The following TAOK3 variants were observed in gnomAD, a reference collection of about 807,000 sequenced individuals.
The protein encoded by TAOK3 is serine/threonine-protein kinase TAO3.
In TAOK3, 40 loss-of-function variants were observed where a neutral mutation model predicts 120.4. The ratio of observed to expected loss-of-function variants is 0.33; its 90% CI spans 0.26 to 0.43. The LOEUF (loss-of-function observed/expected upper bound fraction) is 0.43, where lower values mean the gene tolerates loss of function less well. Among genes scored for constraint, TAOK3 ranks in the 20% least tolerant of loss-of-function variants. TAOK3 has a pLI of 1.00. For missense variants in TAOK3, 821 were observed against 1,112.1 expected (o/e 0.74, Z 3.72); for synonymous variants, 355 against 387.5 (o/e 0.92, Z 0.99).
chr12:118,281,149 A>C (rs934954108), intron 1 of TAOK3, among the ~76,000 whole-genome samples: 2 of 152,216 alleles, frequency 1.3e-5, no homozygotes, highest in African/African-American at 4.8e-5. Context: ...AAACAGGGAT[A>C]GTTTGACTTT....
At chr12:118,194,420 G>A (rs965969884) in intron 13 of TAOK3, among the ~76,000 whole-genome samples, 3 of 152,086 alleles carry the variant, frequency 2.0e-5, no homozygotes, top group Non-Finnish European at 4.4e-5. Context: ...GGAGAAAGAC[G>A]TTACTACAGA....
intron 1 of TAOK3, among the ~76,000 whole-genome samples, chr12:118,333,889 A>C (rs1228594783): frequency 6.6e-6 from 1 of 151,764 alleles, no homozygotes; most frequent in Non-Finnish European, 1.5e-5. Context: ...TAATCCCAGC[A>C]CTTTGGGAGG....
intron 1 of TAOK3, among the ~76,000 whole-genome samples, chr12:118,303,909 A>G (rs411828): frequency 0.31 from 47,531 of 152,052 alleles, 7,509 homozygotes; most frequent in Middle Eastern, 0.42. Flanking sequence ...TGGCCTCCCA[A>G]AGTGTTGGGA....
At chr12:118,322,718 C>CTTTTTTTTTTTTTTTTTTTTTT (rs199608892) in intron 1 of TAOK3, among the ~76,000 whole-genome samples, 1 of 93,812 alleles carries the variant, frequency 1.1e-5, no homozygotes, top group Non-Finnish European at 1.9e-5. Context: ...ATTTAAAAAC[C>CTTTTTTTTTTTTTTTTTTTTTT]TTTTTTTTTT....
At chr12:118,167,698 A>G (rs1336623964) in intron 17 of TAOK3, among the ~76,000 whole-genome samples, 1 of 149,758 alleles carries the variant, frequency 6.7e-6, no homozygotes, top group Non-Finnish European at 1.5e-5. Flanking sequence ...TTTTTGCAAA[A>G]TGACTCCCCC....
chr12:118,341,209 T>G (rs2044605040), intron 1 of TAOK3, among the ~76,000 whole-genome samples: 1 of 151,994 alleles, frequency 6.6e-6, no homozygotes, highest in African/African-American at 2.4e-5. Flanking sequence ...CCATGTTGGC[T>G]AGACTGGTTT....
intron 7 of TAOK3, among the ~76,000 whole-genome samples, chr12:118,237,587 T>C (rs963932261): frequency 3.9e-5 from 6 of 152,134 alleles, no homozygotes; most frequent in African/African-American, 1.2e-4. Flanking sequence ...CCCTGGTCTC[T>C]TCATATGCCA....
intron 1 of TAOK3, among the ~76,000 whole-genome samples, chr12:118,291,852 T>C (rs756486166): frequency 3.0e-4 from 46 of 152,266 alleles, no homozygotes; most frequent in Non-Finnish European, 3.4e-4. Flanking sequence ...TCTCGCTCTG[T>C]TGCCCAGGTT....
chr12:118,160,015 C>T lies in TAOK3; in HGVS notation c.2352+131G>A, dbSNP rs1252559423. On this transcript the variant is annotated intron_variant, in intron 19 of 20. Coordinates refer to ENST00000392533, the MANE Select transcript of TAOK3 (RefSeq NM_016281.4). The surrounding 1 kb of genome is among the most constrained non-coding windows in gnomAD (Gnocchi z 4.2). ...GCTTTATTCAACGTCGTCCTTTCCT[C>T]AGTCCTTTGGGCAGAAAAACATCAA... 7.6e-6 allele frequency: 6 copies of T among 784,328 alleles called. No individual in the cohort carries two copies. Among genetic ancestry groups the T allele is most frequent in the Non-Finnish European group, 1.3e-5 (6 of 470,026 alleles). 48.6% of individuals were successfully genotyped at this position (784,328 alleles called of 1,614,324 possible).
chr12:118,224,101 GTAT>G (rs1194960593), intron 9 of TAOK3, among the ~76,000 whole-genome samples: 12 of 152,180 alleles, frequency 7.9e-5, no homozygotes, highest in Non-Finnish European at 1.5e-4. Flanking sequence ...GTCAAGATAG[GTAT>G]TATTTTTCCA....
intron 13 of TAOK3, among the ~76,000 whole-genome samples, chr12:118,197,366 A>C (rs943641998): frequency 2.0e-5 from 3 of 152,202 alleles, no homozygotes; most frequent in Non-Finnish European, 1.5e-5. Context: ...GTTCTACTTA[A>C]GTCATCACAC....
At chr12:118,198,672 C>A in intron 13 of TAOK3, 1 of 249,644 alleles carries the variant, frequency 4.0e-6, no homozygotes, top group Non-Finnish European at 8.0e-6. Context: ...CAGATGTGAG[C>A]CACCACGCCC....
At chr12:118,224,537 T>C (rs1185791627) in intron 9 of TAOK3, among the ~76,000 whole-genome samples, 1 of 152,216 alleles carries the variant, frequency 6.6e-6, no homozygotes, top group Non-Finnish European at 1.5e-5. Flanking sequence ...GTTGGTGAAC[T>C]AAATGCCTGT....
intron 19 of TAOK3, chr12:118,152,901 A>G (rs1278534084): frequency 6.5e-6 from 1 of 153,592 alleles, no homozygotes; most frequent in Admixed American, 6.5e-5. Context: ...AGTAGTGGTT[A>G]TCATTATTTC....
chr12:118,323,745 T>C (rs935852513), intron 1 of TAOK3, among the ~76,000 whole-genome samples: 1 of 152,164 alleles, frequency 6.6e-6, no homozygotes, highest in East Asian at 1.9e-4. Context: ...ATTTAAGAAA[T>C]GATATGCATA....
In TAOK3 at chr12:118,199,082, A is replaced by G; in HGVS notation, c.1163T>C (p.Ile388Thr). Residue 388 changes from isoleucine to threonine, a missense_variant, in exon 13 of 21, where the codon ATC (isoleucine) becomes ACC (threonine). Ile to Thr is a moderately conservative substitution (Grantham distance 89, BLOSUM62 -1). Transcript: ENST00000392533. ...ATGCACGACGGAGGAGCTGGAATTG[A>G]TTGTGCTTTCGTCATCGTGCATCAT... ...LVMMHDDEST[I>T]NSSSSVVHKK... 1 of 1,614,120 alleles carries G rather than the reference A, an allele frequency of 6.2e-7. No homozygotes were observed. Among genetic ancestry groups the G allele is most frequent in the Non-Finnish European group, 8.5e-7 (1 of 1,180,022 alleles).
chr12:118,227,894 C>T (rs2039582786), intron 9 of TAOK3, among the ~76,000 whole-genome samples: 1 of 152,058 alleles, frequency 6.6e-6, no homozygotes, highest in Admixed American at 6.6e-5. Context: ...TTTGTTCCCC[C>T]AAAGGAATAT....
intron 1 of TAOK3, among the ~76,000 whole-genome samples, chr12:118,319,480 C>A (rs1040369525): frequency 6.6e-6 from 1 of 151,752 alleles, no homozygotes; most frequent in African/African-American, 2.4e-5. Flanking sequence ...TATAACTTAA[C>A]AACAAAAAGA....
At chr12:118,322,036 C>T (rs561817832) in intron 1 of TAOK3, among the ~76,000 whole-genome samples, 1 of 152,130 alleles carries the variant, frequency 6.6e-6, no homozygotes, top group Non-Finnish European at 1.5e-5. Flanking sequence ...AAAATTTGGG[C>T]CGGTGCGGTG....
Sources: allele counts gnomAD v4.1 joint callset (sites outside exome capture counted in the v4.1 genomes callset), GRCh38; gene constraint gnomAD v4.1.1; non-coding constraint Gnocchi (gnomAD v3.1); transcripts MANE v1.5; gene names NCBI Gene and HGNC (gene_info 2026-07-23, HGNC 2026-07-21).